USP48: variants seen among roughly 807,000 people sequenced by gnomAD.
USP48 encodes ubiquitin carboxyl-terminal hydrolase 48.
A neutral mutation model predicts 150.7 loss-of-function variants in USP48; 43 were observed. The observed-to-expected ratio is 0.29, with a 90% confidence interval of 0.22 to 0.37. USP48 has a LOEUF of 0.37. Ranked by LOEUF, USP48 falls within the 10% of genes least tolerant of loss-of-function variation. The pLI is 1.00. For missense variants in USP48, 813 were observed against 1,249.6 expected, an observed-to-expected ratio of 0.65 and a Z score of 5.27; for synonymous variants, 396 against 425.9, an observed-to-expected ratio of 0.93 and a Z score of 0.86.
At chr1:21,767,724 T>C (rs1333258806) in intron 1 of USP48, among the ~76,000 whole-genome samples, 1 of 151,362 alleles carries the variant, frequency 6.6e-6, no homozygotes, top group East Asian at 1.9e-4. Flanking sequence ...TTTTGAAAAA[T>C]CATTGAAGAA....
chr1:21,772,571 C>G (rs533001767), intron 1 of USP48, among the ~76,000 whole-genome samples: 1 of 148,016 alleles, frequency 6.8e-6, no homozygotes, highest in African/African-American at 2.5e-5. Flanking sequence ...CGCAGTGAGC[C>G]GAGATCGCGC....
At chr1:21,725,923 A>G (rs1231791967) in intron 11 of USP48, among the ~76,000 whole-genome samples, 1 of 152,202 alleles carries the variant, frequency 6.6e-6, no homozygotes, top group Non-Finnish European at 1.5e-5. Flanking sequence ...GGGGAATGCA[A>G]AGATAAATGA....
At position 21,757,663 on chromosome 1, in the gene USP48, CT is replaced by C; in HGVS notation, c.254del (p.Lys85ArgfsTer7). ...AATCGCTTAAAAAATGATGGTTTACCTTTTTTCTCCTCTCACAGTTGGGATC... is the reference window on the plus strand; with the variant it reads ...AATCGCTTAAAAAATGATGGTTTACCTTTTTCTCCTCTCACAGTTGGGATC... ...IDDPNCERRK[K>X]NSFVGLTNLG... On this transcript the variant is annotated frameshift_variant and splice_region_variant, in exon 2 of 27. Coordinates refer to ENST00000308271, the MANE Select transcript of USP48 (RefSeq NM_032236.8). LOFTEE classifies it high-confidence loss of function. The C allele has an allele frequency of 6.2e-7, 1 of 1,603,796 alleles. No individual in the cohort carries two copies. The highest frequency in any genetic ancestry group is 8.5e-7 in the Non-Finnish European group (1 of 1,177,324).
intron 6 of USP48, among the ~76,000 whole-genome samples, chr1:21,750,830 C>CA (rs2097810119): frequency 1.3e-5 from 2 of 149,456 alleles, no homozygotes; most frequent in Admixed American, 6.7e-5. Flanking sequence ...TGCAATGAGC[C>CA]AAGATTGTGC....
chr1:21,731,826 G>A (rs948591098), intron 9 of USP48, among the ~76,000 whole-genome samples: 1 of 151,964 alleles, frequency 6.6e-6, no homozygotes, highest in African/African-American at 2.4e-5. Flanking sequence ...CCAAGATCAC[G>A]CCACTGTACT....
At chr1:21,716,143 C>T (rs1281817088) in intron 14 of USP48, among the ~76,000 whole-genome samples, 6 of 151,974 alleles carry the variant, frequency 3.9e-5, no homozygotes, top group African/African-American at 1.5e-4. Flanking sequence ...TTAGTAACCT[C>T]AGCATATGAT....
intron 8 of USP48, among the ~76,000 whole-genome samples, chr1:21,744,011 TA>T (rs1490199035): frequency 8.5e-5 from 13 of 152,196 alleles, no homozygotes; most frequent in African/African-American, 3.1e-4. Context: ...TAGTATTCCC[TA>T]TATCATTAAT....
intron 1 of USP48, among the ~76,000 whole-genome samples, chr1:21,760,594 A>G (rs935659563): frequency 6.6e-6 from 1 of 152,020 alleles, no homozygotes; most frequent in Non-Finnish European, 1.5e-5. Flanking sequence ...GGAGCCTGTA[A>G]TCCCAGCTAC....
intron 23 of USP48, among the ~76,000 whole-genome samples, chr1:21,691,705 A>T (rs945294878): frequency 6.6e-6 from 1 of 152,194 alleles, no homozygotes; most frequent in African/African-American, 2.4e-5. Flanking sequence ...AAATTCAGAA[A>T]GGTTTGTTTT....
At chr1:21,699,099 G>A (rs1044904081) in intron 22 of USP48, among the ~76,000 whole-genome samples, 17 of 150,916 alleles carry the variant, frequency 1.1e-4, no homozygotes, top group South Asian at 2.1e-4. Flanking sequence ...GCACAATCTC[G>A]GCTCACTGCA....
intron 1 of USP48, chr1:21,768,531 A>G (rs1472734335): frequency 6.6e-6 from 1 of 152,140 alleles, no homozygotes; most frequent in Non-Finnish European, 1.5e-5. Context: ...TGTTTCCCTC[A>G]TCTCAGACTG....
chr1:21,757,629 G>T (rs1469929493), intron 2 of USP48, 34 bp downstream of exon 2: 1 of 1,597,644 alleles, frequency 6.3e-7, no homozygotes, highest in Admixed American at 1.8e-5. Context: ...ACAAAAAACA[G>T]CATATAGCAA....
At chr1:21,723,665 G>A (rs1480973589) in intron 12 of USP48, among the ~76,000 whole-genome samples, 3 of 152,098 alleles carry the variant, frequency 2.0e-5, no homozygotes, top group African/African-American at 4.8e-5. Flanking sequence ...TGCTTTGAGA[G>A]GGGTTAAAAG....
At chr1:21,683,622 A>C (rs549254918) in intron 25 of USP48, among the ~76,000 whole-genome samples, 6 of 152,310 alleles carry the variant, frequency 3.9e-5, no homozygotes, top group African/African-American at 1.4e-4. Context: ...CTTGGGTTCA[A>C]GTGATCCACT....
At chr1:21,724,120 G>A (rs753439516) in intron 11 of USP48, 25 bp from the exon 12 acceptor site, 2 of 1,608,772 alleles carry the variant, frequency 1.2e-6, no homozygotes, top group South Asian at 1.1e-5. Flanking sequence ...ATCGGAAAGA[G>A]CCTATGTATT....
At chr1:21,696,947 C>A (rs919582301) in intron 22 of USP48, among the ~76,000 whole-genome samples, 2 of 152,010 alleles carry the variant, frequency 1.3e-5, no homozygotes, top group Non-Finnish European at 2.9e-5. Flanking sequence ...CTTCTGCTAA[C>A]CAGGCCAGGG....
chr1:21,706,003 T>G, intron 18 of USP48, 123 bp downstream of exon 18: 1 of 1,161,254 alleles, frequency 8.6e-7, no homozygotes. Flanking sequence ...AAGCTTTCAG[T>G]GTATGCTGGT....
chr1:21,750,978 G>A (rs2097811047), intron 6 of USP48, among the ~76,000 whole-genome samples: 1 of 151,668 alleles, frequency 6.6e-6, no homozygotes, highest in African/African-American at 2.4e-5. Context: ...AAAAATATCT[G>A]AAGACAGCTA....
At position 21,776,158 on chromosome 1, in the gene USP48, T is replaced by C. The variant is rs372771635; in HGVS notation, c.134+6666A>G. 6.2e-4 allele frequency among the ~76,000 whole-genome samples: 95 copies of C among 152,270 alleles called. 3 individuals carry two copies. In the South Asian group the frequency reaches 0.017, roughly 28 times the overall value. On this transcript the variant is annotated intron_variant, in intron 1 of 26. Coordinates refer to ENST00000308271, the MANE Select transcript of USP48 (RefSeq NM_032236.8). The stretch of plus-strand genomic sequence containing the variant: ...AACAATTTTACTTCCAGGAACTTAC[T>C]TGACCACCAACCTCACTGTTAACAA...
Sources: allele counts gnomAD v4.1 joint callset (sites outside exome capture counted in the v4.1 genomes callset), GRCh38; gene constraint gnomAD v4.1.1; transcripts MANE v1.5; gene names NCBI Gene and HGNC (gene_info 2026-07-23, HGNC 2026-07-21).